Variants in ATP11B observed in about 807,000 individuals in gnomAD.
ATP11B encodes the protein ATPase phospholipid transporting 11B (putative).
Under a neutral mutation model 157.8 loss-of-function variants are expected in ATP11B, and 81 were observed. That is an observed-to-expected ratio of 0.51 (90% confidence interval 0.43 to 0.62). The LOEUF (loss-of-function observed/expected upper bound fraction) is 0.62, where lower values mean the gene tolerates loss of function less well. Ranked by LOEUF, ATP11B falls within the 20% of genes least tolerant of loss-of-function variation. The pLI, the probability that ATP11B is intolerant of heterozygous loss-of-function variation, is 0.00. For missense variants in ATP11B, 1,165 were observed against 1,402.2 expected (o/e 0.83, Z 2.70); for synonymous variants, 451 against 469.4 (o/e 0.96, Z 0.51).
intron 1 of ATP11B, among the ~76,000 whole-genome samples, chr3:182,809,886 T>C (rs1287845380): frequency 6.6e-6 from 1 of 152,200 alleles, no homozygotes; most frequent in African/African-American, 2.4e-5. Context: ...TCAGTAAGTA[T>C]TCTTTGATTG....
intron 28 of ATP11B, among the ~76,000 whole-genome samples, chr3:182,910,371 T>C (rs980443045): frequency 1.2e-4 from 18 of 150,548 alleles, no homozygotes; most frequent in African/African-American, 4.4e-4. Flanking sequence ...AGGCCAGGAG[T>C]TTGAGACCAG....
At chr3:182,837,275 T>C in intron 7 of ATP11B, 101 bp downstream of exon 7, 1 of 850,618 alleles carries the variant, frequency 1.2e-6, no homozygotes, top group Non-Finnish European at 1.7e-6. Context: ...AATTGGAGAC[T>C]GTATTTGTGG....
At chr3:182,842,524 G>T (rs575281566) in intron 8 of ATP11B, among the ~76,000 whole-genome samples, 11 of 152,140 alleles carry the variant, frequency 7.2e-5, no homozygotes, top group African/African-American at 2.7e-4. Context: ...ATTTCTCTTG[G>T]TTTTTTTATG....
intron 1 of ATP11B, among the ~76,000 whole-genome samples, chr3:182,819,634 CT>C (rs1717203330): frequency 6.6e-6 from 1 of 152,174 alleles, no homozygotes; most frequent in Non-Finnish European, 1.5e-5. Flanking sequence ...TCAATTGATA[CT>C]ATAATGGCTC....
rs774861608 is a variant in ATP11B at position 182,872,432 on chromosome 3, T to C, written c.1943T>C (p.Phe648Ser). ...TATGAGGAAATAGATAAACGCATAT[T>C]TGAAGCCAGGACTGCCTTGCAGCAG... The part of the protein sequence containing the change: ...KEYEEIDKRI[F>S]EARTALQQRE... The change falls in exon 18 of 30, where the codon TTT (phenylalanine) becomes TCT (serine). Residue 648 changes from phenylalanine to serine, a missense_variant. Coordinates refer to ENST00000323116, the MANE Select transcript of ATP11B (RefSeq NM_014616.3). 2 of 1,614,106 alleles carry C rather than the reference T, an allele frequency of 1.2e-6. No individual in the cohort carries two copies. The highest frequency in any genetic ancestry group is 2.2e-5 in the South Asian group (2 of 91,086).
At chr3:182,870,827 C>G (rs1416111270) in intron 17 of ATP11B, among the ~76,000 whole-genome samples, 1 of 151,128 alleles carries the variant, frequency 6.6e-6, no homozygotes, top group Admixed American at 6.6e-5. Context: ...ACTCGGGAGG[C>G]TGAGGCAGGA....
intron 28 of ATP11B, among the ~76,000 whole-genome samples, chr3:182,911,863 G>A (rs994790529): frequency 6.6e-6 from 1 of 152,180 alleles, no homozygotes; most frequent in African/African-American, 2.4e-5. Context: ...GGAGAGGTGA[G>A]GGAAGTTAAT....
At chr3:182,872,579 G>A in intron 18 of ATP11B, 42 bp downstream of exon 18, 1 of 1,472,716 alleles carries the variant, frequency 6.8e-7, no homozygotes, top group Non-Finnish European at 9.1e-7. Flanking sequence ...TTCTCTCATA[G>A]GAATTTTTGT....
intron 4 of ATP11B, 55 bp downstream of exon 4, chr3:182,829,807 A>G (rs918673540): frequency 4.8e-6 from 7 of 1,455,284 alleles, no homozygotes; most frequent in Non-Finnish European, 6.5e-6. Context: ...AAGTTGCTAA[A>G]TATTTCCACT....
chr3:182,877,970 G>C (rs1025584383), intron 19 of ATP11B, among the ~76,000 whole-genome samples: 1 of 152,212 alleles, frequency 6.6e-6, no homozygotes, highest in African/African-American at 2.4e-5. Flanking sequence ...TCCCACTCTT[G>C]ACTGCTAGCA....
chr3:182,813,576 A>G (rs545126287), intron 1 of ATP11B, among the ~76,000 whole-genome samples: 202 of 152,302 alleles, frequency 1.3e-3, no homozygotes, highest in African/African-American at 4.7e-3. Context: ...AGACATATCT[A>G]GGAACACCAG....
At chr3:182,881,195 G>C (rs594199) in intron 21 of ATP11B, among the ~76,000 whole-genome samples, 79,322 of 152,040 alleles carry the variant, frequency 0.52, 23,404 homozygotes, top group Non-Finnish European at 0.67. Flanking sequence ...CAGCACTTTG[G>C]GGGGTTGAGG....
intron 17 of ATP11B, among the ~76,000 whole-genome samples, chr3:182,872,094 C>T (rs1721708005): frequency 6.6e-6 from 1 of 152,130 alleles, no homozygotes. Flanking sequence ...GGATTACAGG[C>T]GTGAGCCACC....
At chr3:182,887,768 G>A (rs992364568) in intron 24 of ATP11B, 55 bp downstream of exon 24, 5 of 1,547,284 alleles carry the variant, frequency 3.2e-6, no homozygotes, top group African/African-American at 2.8e-5. Context: ...TAAAAAATAA[G>A]CAGATTTATT....
chr3:182,878,718 A>G (rs1179532080), intron 19 of ATP11B, among the ~76,000 whole-genome samples: 4 of 152,186 alleles, frequency 2.6e-5, no homozygotes, highest in Non-Finnish European at 5.9e-5. Flanking sequence ...ACAATCCATC[A>G]TCGGTTTCCT....
chr3:182,917,646 G>A (rs753901209), intron 29 of ATP11B: 2 of 985,154 alleles, frequency 2.0e-6, no homozygotes, highest in Non-Finnish European at 2.4e-6. Context: ...TTGGTAAGTG[G>A]GATTTGGGTT....
In ATP11B at chr3:182,836,393, G is replaced by T. The variant is rs765595837; in HGVS notation, c.475G>T (p.Val159Leu). Residue 159 changes from valine (V) to leucine (L), a missense_variant, in exon 6 of 30, where the codon GTG becomes TTG. Physicochemically the swap from Val to Leu is conservative, Grantham distance 32. Transcript: ENST00000323116. ...AKDEIFPADL[V>L]LLSSDRLDGS... ...AGATGAAATTTTTCCTGCAGACTTG[G>T]TGCTTCTGTCCTCAGATCGACTGGA... The T allele has an allele frequency of 1.1e-5, 18 of 1,613,876 alleles. No individual in the cohort carries two copies. The highest frequency in any genetic ancestry group is 1.4e-5 in the Non-Finnish European group (16 of 1,179,852).
At chr3:182,907,832 G>GTA (rs1305036360) in intron 28 of ATP11B, among the ~76,000 whole-genome samples, 2 of 152,126 alleles carry the variant, frequency 1.3e-5, no homozygotes, top group Non-Finnish European at 2.9e-5. Flanking sequence ...TGTGGATCTG[G>GTA]TACTGCTTTG....
At chr3:182,876,672 A>G (rs1722065241) in intron 19 of ATP11B, among the ~76,000 whole-genome samples, 2 of 152,332 alleles carry the variant, frequency 1.3e-5, no homozygotes, top group South Asian at 4.1e-4. Context: ...TACTGTGTCC[A>G]CACATGGTGG....
Sources: gnomAD v4.1 joint callset for allele counts (sites outside exome capture counted in the v4.1 genomes callset) on GRCh38, gnomAD v4.1.1 for gene constraint, MANE v1.5 for transcripts, NCBI Gene and HGNC (gene_info 2026-07-23, HGNC 2026-07-21) for gene names.